Variants in PITPNM3 observed in about 807,000 individuals in gnomAD.
PITPNM3 encodes the protein membrane-associated phosphatidylinositol transfer protein 3.
In PITPNM3, 26 loss-of-function variants were observed where a neutral mutation model predicts 102.0. That is an observed-to-expected ratio of 0.25 (90% CI 0.19 to 0.35). The LOEUF (loss-of-function observed/expected upper bound fraction) is 0.35, where lower values mean the gene tolerates loss of function less well. Among genes scored for constraint, PITPNM3 ranks in the 10% least tolerant of loss-of-function variants. The probability of loss-of-function intolerance (pLI) is 1.00; values close to 1 mark genes in which losing one functional copy is unlikely to be tolerated. For missense variants in PITPNM3, 1,083 were observed against 1,346.1 expected (o/e 0.80, Z 3.06); for synonymous variants, 578 against 558.6 (o/e 1.03, Z -0.49).
chr17:6,478,756 G>A lies in PITPNM3; in HGVS notation c.588-20C>T, dbSNP rs1905480449. On this transcript the variant is annotated intron_variant, in intron 6 of 19. Transcript: ENST00000262483. This position sits in a 1 kb window ranked among gnomAD's most constrained non-coding sequence, Gnocchi z 4.4. Reference sequence around the variant, plus strand: ...TTCAGGCTGCAGACAGGGGGCCCAAGGTGAGCCCAGCCAGGATCGGGCAGG... The same window carrying A: ...TTCAGGCTGCAGACAGGGGGCCCAAAGTGAGCCCAGCCAGGATCGGGCAGG... 1.3e-6 allele frequency: 2 copies of A among 1,547,842 alleles called. No individual in the cohort carries two copies. The highest frequency in any genetic ancestry group is 1.4e-5 in the African/African-American group (1 of 73,530).
Position 6,537,913 on chromosome 17 carries a change from C to G in PITPNM3, c.118+74G>C. Reference sequence around the variant, plus strand: ...GTCTGAGTGGGGAGGGATGCGGACCCCCAAATGGGATCTTCTTCTTGAGGC... The same window carrying G: ...GTCTGAGTGGGGAGGGATGCGGACCGCCAAATGGGATCTTCTTCTTGAGGC... On this transcript the variant is annotated intron_variant, in intron 2 of 19. Transcript: ENST00000262483. The surrounding 1 kb of genome is among the most constrained non-coding windows in gnomAD (Gnocchi z 4.4). 1 of 1,289,022 alleles carries G rather than the reference C, an allele frequency of 7.8e-7. No individual in the cohort carries two copies. The highest frequency in any genetic ancestry group is 1.5e-5 in the African/African-American group (1 of 68,330). 79.8% of individuals were successfully genotyped at this position (1,289,022 alleles called of 1,614,324 possible). A position where few individuals can be genotyped will look rare whatever the true frequency, so the allele number is the denominator to read the frequency against.
intron 4 of PITPNM3, among the ~76,000 whole-genome samples, chr17:6,491,598 G>A (rs1056504627): frequency 1.3e-5 from 2 of 152,070 alleles, no homozygotes; most frequent in African/African-American, 2.4e-5. Flanking sequence ...GCTCCTGAGG[G>A]CTTCAAGAGA....
At chr17:6,483,777 C>T in intron 5 of PITPNM3, 25 bp from the exon 6 acceptor site, 1 of 1,604,626 alleles carries the variant, frequency 6.2e-7, no homozygotes, top group Non-Finnish European at 8.5e-7. Flanking sequence ...GGTTGGAATA[C>T]AGAGAGAGAG....
intron 1 of PITPNM3, among the ~76,000 whole-genome samples, chr17:6,551,132 C>A (rs572204104): frequency 2.1e-4 from 32 of 151,666 alleles, no homozygotes; most frequent in Non-Finnish European, 3.4e-4. Context: ...CCAAGGCAGG[C>A]GGATCACGAG....
At chr17:6,510,500 T>C (rs1185483377) in intron 3 of PITPNM3, among the ~76,000 whole-genome samples, 1 of 152,234 alleles carries the variant, frequency 6.6e-6, no homozygotes, top group Non-Finnish European at 1.5e-5. Flanking sequence ...ATTAGCTCAC[T>C]GGACTGTCAC....
intron 2 of PITPNM3, among the ~76,000 whole-genome samples, chr17:6,529,768 G>C (rs531749472): frequency 2.1e-4 from 32 of 152,324 alleles, no homozygotes; most frequent in Admixed American, 7.8e-4. Flanking sequence ...TGGACCACAA[G>C]ATTGCTCACA....
At chr17:6,461,753 G>A (rs966095233) in intron 17 of PITPNM3, among the ~76,000 whole-genome samples, 197 bp from the exon 18 acceptor site, 3 of 152,122 alleles carry the variant, frequency 2.0e-5, no homozygotes, top group Non-Finnish European at 4.4e-5. Flanking sequence ...GCCTGCAGAT[G>A]CCACAGGCCC....
rs58110596 is a variant in PITPNM3, at chr17:6,519,210, G to A, written c.226+6146C>T. On this transcript the variant is annotated intron_variant, in intron 3 of 19. Transcript: ENST00000262483. ...AAATTAGCCGGGCGCGGTGGCGGGC[G>A]CCTGTAGTCCCAGCTACTCGGGAGG... is the stretch of plus-strand genomic sequence containing the variant. 1.4e-3 allele frequency among the ~76,000 whole-genome samples: 84 copies of A among 58,882 alleles called. 1 individual carries two copies. Among genetic ancestry groups the A allele is most frequent in the South Asian group, 2.0e-3 (4 of 2,030 alleles). 38.6% of individuals were successfully genotyped at this position (58,882 alleles called of 152,430 possible).
At chr17:6,483,109 T>G in intron 6 of PITPNM3, among the ~76,000 whole-genome samples, 1 of 152,026 alleles carries the variant, frequency 6.6e-6, no homozygotes, top group Non-Finnish European at 1.5e-5. Flanking sequence ...CTCACCTGGC[T>G]AATTTTTTAT....
chr17:6,493,641 C>T (rs1464965872), intron 4 of PITPNM3, among the ~76,000 whole-genome samples: 1 of 152,180 alleles, frequency 6.6e-6, no homozygotes, highest in Non-Finnish European at 1.5e-5. Flanking sequence ...TGAGGTCCCT[C>T]CATGACTCCT....
chr17:6,465,469 C>A (rs1407157306), intron 14 of PITPNM3, among the ~76,000 whole-genome samples: 2 of 152,230 alleles, frequency 1.3e-5, no homozygotes. Context: ...TACATCACAG[C>A]TCACATCCAA....
intron 4 of PITPNM3, among the ~76,000 whole-genome samples, chr17:6,501,309 T>C (rs910274090): frequency 3.9e-5 from 6 of 152,208 alleles, no homozygotes; most frequent in African/African-American, 1.4e-4. Flanking sequence ...TTGACATCTC[T>C]GGGGCCTCGC....
intron 3 of PITPNM3, among the ~76,000 whole-genome samples, chr17:6,513,995 C>T (rs373224549): frequency 6.6e-6 from 1 of 152,158 alleles, no homozygotes; most frequent in East Asian, 1.9e-4. Flanking sequence ...TGATTTTTGA[C>T]AAACCTGCCT....
intron 4 of PITPNM3, among the ~76,000 whole-genome samples, 182 bp downstream of exon 4, chr17:6,503,345 G>T (rs1200293301): frequency 1.3e-5 from 2 of 152,148 alleles, no homozygotes; most frequent in African/African-American, 4.8e-5. Flanking sequence ...CTCAGTTCAT[G>T]GGTTAGAGAG....
rs1913892730 is a variant in PITPNM3, at chr17:6,452,570, C to T, written c.*2768G>A. ...CAACACAACTTGGTTCTTTCTCCAA[C>T]TTAACCGGACAGACAAAACTGAGCA... is the stretch of plus-strand genomic sequence containing the variant. On this transcript the variant is annotated 3_prime_UTR_variant, in exon 20 of 20. Transcript: ENST00000262483. 6.6e-6 allele frequency: 1 copy of T among 152,260 alleles called. No individual in the cohort carries two copies. Among genetic ancestry groups the T allele is most frequent in the African/African-American group, 2.4e-5 (1 of 41,464 alleles). The allele number at this position is 152,260 out of a possible 1,614,324, so 9.4% of individuals were successfully genotyped here. A position where few individuals can be genotyped will look rare whatever the true frequency, so the allele number is the denominator to read the frequency against.
At chr17:6,529,540 G>A (rs1196936560) in intron 2 of PITPNM3, among the ~76,000 whole-genome samples, 2 of 151,616 alleles carry the variant, frequency 1.3e-5, no homozygotes, top group Admixed American at 1.3e-4. Flanking sequence ...GTTGCAGTGA[G>A]CTGAGATCGT....
intron 1 of PITPNM3, among the ~76,000 whole-genome samples, chr17:6,552,114 C>T (rs927566424): frequency 3.2e-4 from 48 of 152,204 alleles, no homozygotes; most frequent in African/African-American, 1.1e-3. Context: ...ACTAGGTTTG[C>T]CACATGGAAG....
intron 1 of PITPNM3, among the ~76,000 whole-genome samples, chr17:6,543,383 C>T (rs1300010226): frequency 6.6e-6 from 1 of 152,226 alleles, no homozygotes; most frequent in Non-Finnish European, 1.5e-5. Context: ...GATGGACAGG[C>T]GTCTCCTATG....
intron 1 of PITPNM3, among the ~76,000 whole-genome samples, chr17:6,541,256 T>C (rs1275944539): frequency 6.8e-6 from 1 of 148,056 alleles, no homozygotes; most frequent in Non-Finnish European, 1.5e-5. Context: ...AGCAGAGGCC[T>C]GAATAATAAG....
Sources: gnomAD v4.1 joint callset for allele counts (sites outside exome capture counted in the v4.1 genomes callset) on GRCh38, gnomAD v4.1.1 for gene constraint, Gnocchi (gnomAD v3.1) non-coding constraint, MANE v1.5 for transcripts, NCBI Gene and HGNC (gene_info 2026-07-23, HGNC 2026-07-21) for gene names.